Variants in CTNNA3 observed in about 807,000 individuals in gnomAD.
The protein encoded by CTNNA3 is catenin alpha 3.
In CTNNA3, 76 loss-of-function variants were observed where a neutral mutation model predicts 95.7. The observed-to-expected ratio is 0.79, with a 90% CI of 0.66 to 0.96. The LOEUF (loss-of-function observed/expected upper bound fraction) is 0.96, where lower values mean the gene tolerates loss of function less well. CTNNA3 is among the 40% of genes least tolerant of loss of function. CTNNA3 has a pLI of 0.00. For missense variants in CTNNA3, 1,191 were observed against 1,089.8 expected (o/e 1.09, Z -1.31); for synonymous variants, 431 against 374.4 (o/e 1.15, Z -1.74).
At chr10:66,597,390 A>G (rs1199966147) in intron 10 of CTNNA3, among the ~76,000 whole-genome samples, 2 of 150,946 alleles carry the variant, frequency 1.3e-5, no homozygotes, top group Non-Finnish European at 1.5e-5. Flanking sequence ...TTATAATCAT[A>G]TTATTAAAAT....
chr10:65,927,240 T>C (rs1334465363), intron 17 of CTNNA3, among the ~76,000 whole-genome samples: 2 of 152,196 alleles, frequency 1.3e-5, no homozygotes, highest in African/African-American at 4.8e-5. Context: ...TTACTAGTCT[T>C]CCTTTTACTA....
At chr10:66,253,879 C>T (rs192144809) in intron 13 of CTNNA3, among the ~76,000 whole-genome samples, 51 of 152,158 alleles carry the variant, frequency 3.4e-4, no homozygotes, top group African/African-American at 1.1e-3. Context: ...AGGGACTATG[C>T]GGGCAACTAT....
intron 12 of CTNNA3, among the ~76,000 whole-genome samples, chr10:66,283,585 C>T (rs761022602): frequency 1.3e-4 from 20 of 151,812 alleles, no homozygotes; most frequent in Non-Finnish European, 2.9e-4. Flanking sequence ...ATTTTAACTC[C>T]TCTAAGGGCC....
At chr10:66,150,839 C>T (rs921079000) in intron 13 of CTNNA3, among the ~76,000 whole-genome samples, 1 of 151,844 alleles carries the variant, frequency 6.6e-6, no homozygotes, top group African/African-American at 2.4e-5. Context: ...AAAAACTTAT[C>T]TTTTAATACT....
intron 13 of CTNNA3, among the ~76,000 whole-genome samples, chr10:66,197,462 A>G (rs1184154225): frequency 6.6e-6 from 1 of 152,134 alleles, no homozygotes; most frequent in African/African-American, 2.4e-5. Flanking sequence ...AACCTAGACA[A>G]ACACATAACT....
Position 65,955,598 on chromosome 10 carries a change from G to A in CTNNA3, c.2400+11014C>T, listed in dbSNP as rs902111499. 4.6e-5 allele frequency among the ~76,000 whole-genome samples: 7 copies of A among 152,272 alleles called. No homozygotes were observed. The South Asian group carries it at 1.0e-3, about 23-fold the overall frequency. On this transcript the variant is annotated intron_variant, in intron 17 of 17. Transcript: ENST00000433211. Reference sequence around the variant, plus strand: ...GTTTATTGAGAGTTTTTAGCATGAAGTGCTGTTGAATTTTGTCAAAGGCCT... The same window carrying A: ...GTTTATTGAGAGTTTTTAGCATGAAATGCTGTTGAATTTTGTCAAAGGCCT...
intron 7 of CTNNA3, among the ~76,000 whole-genome samples, chr10:66,794,709 C>A (rs1419276010): frequency 6.6e-6 from 1 of 152,020 alleles, no homozygotes; most frequent in Non-Finnish European, 1.5e-5. Flanking sequence ...GAAAGAGTTC[C>A]CTGTAGATAT....
chr10:67,480,645 C>T (rs1373734505), intron 5 of CTNNA3, among the ~76,000 whole-genome samples: 1 of 152,194 alleles, frequency 6.6e-6, no homozygotes, highest in Non-Finnish European at 1.5e-5. Flanking sequence ...CCTTTGTTTC[C>T]TGTAAGGAAT....
chr10:66,444,832 T>G (rs1261353611), intron 11 of CTNNA3, among the ~76,000 whole-genome samples: 15 of 152,054 alleles, frequency 9.9e-5, no homozygotes, highest in Non-Finnish European at 1.8e-4. Flanking sequence ...ACACTTAACT[T>G]TAAATGTAAA....
intron 14 of CTNNA3, among the ~76,000 whole-genome samples, chr10:66,070,460 G>A (rs2080411726): frequency 6.6e-6 from 1 of 152,130 alleles, no homozygotes; most frequent in Non-Finnish European, 1.5e-5. Flanking sequence ...GTGTTTAAAT[G>A]TTCAAATTAC....
intron 5 of CTNNA3, among the ~76,000 whole-genome samples, chr10:67,517,634 C>T (rs182460249): frequency 4.7e-4 from 71 of 152,208 alleles, no homozygotes; most frequent in African/African-American, 1.7e-3. Flanking sequence ...CTGAATTGGA[C>T]GTTAGCCAGA....
intron 5 of CTNNA3, among the ~76,000 whole-genome samples, chr10:67,239,346 A>C (rs1209017558): frequency 7.1e-6 from 1 of 141,444 alleles, no homozygotes; most frequent in East Asian, 2.1e-4. Context: ...GAAAAAGAAA[A>C]AAAGACAGCT....
intron 1 of CTNNA3, among the ~76,000 whole-genome samples, chr10:67,703,345 T>A (rs1841056459): frequency 6.6e-6 from 1 of 152,004 alleles, no homozygotes; most frequent in Non-Finnish European, 1.5e-5. Flanking sequence ...TAGACCAATA[T>A]CCTTGATGAA....
intron 7 of CTNNA3, among the ~76,000 whole-genome samples, chr10:67,036,346 T>C (rs1245908525): frequency 6.6e-6 from 1 of 151,580 alleles, no homozygotes; most frequent in Non-Finnish European, 1.5e-5. Context: ...CTCGGCTCAC[T>C]GCAATCTCTC....
intron 10 of CTNNA3, among the ~76,000 whole-genome samples, chr10:66,576,112 C>G (rs534508939): frequency 2.0e-5 from 3 of 152,186 alleles, no homozygotes; most frequent in Non-Finnish European, 4.4e-5. Context: ...GTCACTCCCA[C>G]TTCGCCCACA....
chr10:66,728,518 C>A (rs1589178017), intron 9 of CTNNA3, among the ~76,000 whole-genome samples: 2 of 152,202 alleles, frequency 1.3e-5, no homozygotes, highest in African/African-American at 4.8e-5. Flanking sequence ...TGCCTATGTC[C>A]TGAATGGTAT....
At chr10:66,841,030 T>G (rs2132348063) in intron 7 of CTNNA3, among the ~76,000 whole-genome samples, 1 of 152,326 alleles carries the variant, frequency 6.6e-6, no homozygotes, top group East Asian at 1.9e-4. Context: ...CACATTAATT[T>G]GAACTATACT....
intron 14 of CTNNA3, among the ~76,000 whole-genome samples, chr10:66,081,005 T>C (rs1416037160): frequency 1.3e-5 from 2 of 152,148 alleles, no homozygotes; most frequent in Admixed American, 6.6e-5. Flanking sequence ...GAATTTACAA[T>C]GGGAAGTTCT....
intron 7 of CTNNA3, among the ~76,000 whole-genome samples, chr10:66,852,430 GT>G (rs1355306318): frequency 1.6e-4 from 25 of 152,062 alleles, no homozygotes; most frequent in Non-Finnish European, 3.1e-4. Context: ...ATATACTTGT[GT>G]TCAGAAATAT....
Sources: allele counts gnomAD v4.1 joint callset (sites outside exome capture counted in the v4.1 genomes callset), GRCh38; gene constraint gnomAD v4.1.1; transcripts MANE v1.5; gene names NCBI Gene and HGNC (gene_info 2026-07-23, HGNC 2026-07-21).